Variants in ZFR2 observed in about 807,000 individuals in gnomAD.
ZFR2 encodes the protein zinc finger RNA binding protein 2.
A neutral mutation model predicts 105.7 loss-of-function variants in ZFR2; 104 were observed. That is an observed-to-expected ratio of 0.98 (90% confidence interval 0.84 to 1.16). The LOEUF is 1.16. ZFR2 is among the 50% of genes most tolerant of loss of function. The pLI, the probability that ZFR2 is intolerant of heterozygous loss-of-function variation, is 0.00. For missense variants in ZFR2, 1,425 were observed against 1,355.5 expected (o/e 1.05, Z -0.80); for synonymous variants, 634 against 597.7 (o/e 1.06, Z -0.89).
chr19:3,806,140 C>G lies in ZFR2; in HGVS notation c.2644-15G>C. On this transcript the variant is annotated splice_polypyrimidine_tract_variant and intron_variant, in intron 18 of 18. Transcript: ENST00000262961. ...CGCAGGGCGTGCTGCGGGGCACACACAGCCTGTCAGGACCCCCGCCCGCTC... is the reference window on the plus strand; with the variant it reads ...CGCAGGGCGTGCTGCGGGGCACACAGAGCCTGTCAGGACCCCCGCCCGCTC... 3 of 1,418,464 alleles carry G rather than the reference C, an allele frequency of 2.1e-6. No homozygotes were observed. Among genetic ancestry groups the G allele is most frequent in the Non-Finnish European group, 2.8e-6 (3 of 1,088,426 alleles). 87.9% of individuals were successfully genotyped at this position (1,418,464 alleles called of 1,614,324 possible). A position where few individuals can be genotyped will look rare whatever the true frequency, so the allele number is the denominator to read the frequency against.
chr19:3,821,182 C>T (rs1417027174), intron 10 of ZFR2, among the ~76,000 whole-genome samples, 158 bp downstream of exon 10: 2 of 152,236 alleles, frequency 1.3e-5, no homozygotes, highest in East Asian at 3.9e-4. Flanking sequence ...CTCACGCTCC[C>T]ACACCAGGAC....
rs766798385 is a variant in ZFR2, at chr19:3,831,769, G to A, written c.489C>T (p.Ser163=). The change falls in exon 4 of 19, where the codon TCC becomes TCT. Residue 163 remains serine, a synonymous_variant. Coordinates refer to ENST00000262961, the MANE Select transcript of ZFR2 (RefSeq NM_015174.2). ...TCGCCGTGGGGTAGGTGTATCCCGAGGACAAGGTGCTCGCTGGCTGTCCGG... is the reference window on the plus strand; with the variant it reads ...TCGCCGTGGGGTAGGTGTATCCCGAAGACAAGGTGCTCGCTGGCTGTCCGG... ...VESGQPASTL[S]SGYTYPTATG... is the part of the protein sequence containing the mutation. The A allele has an allele frequency of 6.2e-7, 1 of 1,610,460 alleles. No individual in the cohort carries two copies. The highest frequency in any genetic ancestry group is 8.5e-7 in the Non-Finnish European group (1 of 1,179,222).
intron 12 of ZFR2, among the ~76,000 whole-genome samples, chr19:3,817,561 A>AATAATG (rs1215822338): frequency 1.4e-4 from 13 of 94,598 alleles, no homozygotes; most frequent in African/African-American, 5.5e-4. Flanking sequence ...TCCATCTCAA[A>AATAATG]ATAATGATAA....
chr19:3,859,860 C>T (rs1365728939), intron 1 of ZFR2, among the ~76,000 whole-genome samples: 14 of 152,186 alleles, frequency 9.2e-5, no homozygotes, highest in Admixed American at 4.6e-4. Context: ...CATTCATACC[C>T]GTAACAGTCC....
At chr19:3,865,595 T>G (rs2038419059) in intron 1 of ZFR2, among the ~76,000 whole-genome samples, 1 of 152,148 alleles carries the variant, frequency 6.6e-6, no homozygotes, top group African/African-American at 2.4e-5. Context: ...TGGGCTCAAG[T>G]GATCCTCCTG....
chr19:3,861,141 G>T (rs549592244), intron 1 of ZFR2, among the ~76,000 whole-genome samples: 1 of 152,052 alleles, frequency 6.6e-6, no homozygotes, highest in African/African-American at 2.4e-5. Flanking sequence ...GAGCCATGCC[G>T]CCTCTCCACT....
At chr19:3,825,115 C>A (rs1169020275) in intron 7 of ZFR2, 115 bp downstream of exon 7, 2 of 1,276,968 alleles carry the variant, frequency 1.6e-6, no homozygotes, top group Non-Finnish European at 2.0e-6. Context: ...CAGCCCCTCA[C>A]CACCCCCCGG....
intron 5 of ZFR2, 66 bp from the exon 6 acceptor site, chr19:3,827,719 C>T: frequency 6.5e-7 from 1 of 1,532,132 alleles, no homozygotes; most frequent in Non-Finnish European, 8.8e-7. Context: ...CCCTCCCCTG[C>T]AGGCCCCCGG....
At chr19:3,851,485 C>T (rs1431679103) in intron 1 of ZFR2, among the ~76,000 whole-genome samples, 2 of 152,206 alleles carry the variant, frequency 1.3e-5, no homozygotes, top group African/African-American at 4.8e-5. Context: ...TGCATGCACA[C>T]ACTGCTGTTC....
At chr19:3,868,573 C>G (rs1281088856) in intron 1 of ZFR2, among the ~76,000 whole-genome samples, 2 of 151,076 alleles carry the variant, frequency 1.3e-5, no homozygotes, top group African/African-American at 4.9e-5. Context: ...CCTCCTCGGT[C>G]AGACCACCCA....
At chr19:3,820,614 G>A (rs1190391459) in intron 10 of ZFR2, among the ~76,000 whole-genome samples, 4 of 152,260 alleles carry the variant, frequency 2.6e-5, no homozygotes, top group African/African-American at 7.2e-5. Context: ...ATCAGAAAAT[G>A]CTCTAGGATG....
Position 3,823,129 on chromosome 19 carries a change from A to T in ZFR2, c.1371+117T>A, listed in dbSNP as rs1473952904. ...CATGGAGGTCTGGCCTGTGCAGCTC[A>T]GGAACGGGGATGGGTCTGTAAATCT... On this transcript the variant is annotated intron_variant, in intron 8 of 18. Coordinates refer to ENST00000262961, the MANE Select transcript of ZFR2 (RefSeq NM_015174.2). This position sits in a 1 kb window ranked among gnomAD's most constrained non-coding sequence, Gnocchi z 5.4. The T allele has an allele frequency of 6.9e-7, 1 of 1,454,542 alleles. No homozygotes were observed. Among genetic ancestry groups the T allele is most frequent in the Non-Finnish European group, 9.5e-7 (1 of 1,056,268 alleles). 90.1% of individuals were successfully genotyped at this position (1,454,542 alleles called of 1,614,324 possible).
chr19:3,849,665 C>A (rs997974097), intron 1 of ZFR2, among the ~76,000 whole-genome samples: 1 of 152,200 alleles, frequency 6.6e-6, no homozygotes, highest in African/African-American at 2.4e-5. Flanking sequence ...CTGGTTCAGC[C>A]CATACTCTGG....
At chr19:3,846,910 C>T (rs1184827509) in intron 1 of ZFR2, among the ~76,000 whole-genome samples, 1 of 152,240 alleles carries the variant, frequency 6.6e-6, no homozygotes, top group Non-Finnish European at 1.5e-5. Flanking sequence ...GCTTTAAACA[C>T]TGTGTCTGTG....
At chr19:3,862,328 C>T (rs1360284426) in intron 1 of ZFR2, among the ~76,000 whole-genome samples, 1 of 152,188 alleles carries the variant, frequency 6.6e-6, no homozygotes, top group African/African-American at 2.4e-5. Context: ...GATGGAGTCT[C>T]ACTCGGTTGC....
chr19:3,819,300 C>CAGGT lies in ZFR2; in HGVS notation c.1741-66_1741-65insACCT, dbSNP rs71307197. 97 of 1,401,452 alleles carry CAGGT rather than the reference C, an allele frequency of 6.9e-5. No homozygotes were observed. In the African/African-American group the frequency reaches 1.3e-3, roughly 19 times the overall value. The allele number at this position is 1,401,452 out of a possible 1,614,324, so 86.8% of individuals were successfully genotyped here. A position where few individuals can be genotyped will look rare whatever the true frequency, so the allele number is the denominator to read the frequency against. ...GGACCCTTGGGGAGTGCTGGGCAGGCGGGCAGGTGGGGGCAGGTGGCCGTG... is the reference window on the plus strand; with the variant it reads ...GGACCCTTGGGGAGTGCTGGGCAGGCAGGTGGGCAGGTGGGGGCAGGTGGCCGTG... On this transcript the variant is annotated intron_variant, in intron 11 of 18. Transcript: ENST00000262961.
intron 1 of ZFR2, among the ~76,000 whole-genome samples, chr19:3,861,133 GCCAT>G (rs1224802358): frequency 6.6e-6 from 1 of 152,108 alleles, no homozygotes; most frequent in Non-Finnish European, 1.5e-5. Context: ...CGGAAGCAGA[GCCAT>G]GCCGCCTCTC....
chr19:3,868,012 T>G (rs1444686887), intron 1 of ZFR2, among the ~76,000 whole-genome samples: 2 of 151,096 alleles, frequency 1.3e-5, no homozygotes, highest in Admixed American at 6.6e-5. Context: ...GTCGGGAAAC[T>G]TCCCAGGTCT....
Position 3,823,106 on chromosome 19 carries a change from T to C in ZFR2, c.1371+140A>G, listed in dbSNP as rs766755580. ...CGGGTCTGCACGGGGTTTTGGTCCA[T>C]GGAGGTCTGGCCTGTGCAGCTCAGG... On this transcript the variant is annotated intron_variant, in intron 8 of 18. Transcript: ENST00000262961. The surrounding 1 kb of genome is among the most constrained non-coding windows in gnomAD (Gnocchi z 5.4). 7.0e-5 allele frequency: 86 copies of C among 1,226,766 alleles called. No homozygotes were observed. The highest frequency in any genetic ancestry group is 9.0e-5 in the Non-Finnish European group (78 of 870,490). 76.0% of individuals were successfully genotyped at this position (1,226,766 alleles called of 1,614,324 possible). A position where few individuals can be genotyped will look rare whatever the true frequency, so the allele number is the denominator to read the frequency against.
Sources: allele counts gnomAD v4.1 joint callset (sites outside exome capture counted in the v4.1 genomes callset), GRCh38; gene constraint gnomAD v4.1.1; non-coding constraint Gnocchi (gnomAD v3.1); transcripts MANE v1.5; gene names NCBI Gene and HGNC (gene_info 2026-07-23, HGNC 2026-07-21).